The following EPHB4 variants were observed in gnomAD, a reference collection of about 807,000 sequenced individuals.
EPHB4 encodes ephrin type-B receptor 4.
In EPHB4, 50 loss-of-function variants were observed where a neutral mutation model predicts 110.6. The observed-to-expected ratio is 0.45, with a 90% CI of 0.36 to 0.57. The LOEUF (loss-of-function observed/expected upper bound fraction) is 0.57, where lower values mean the gene tolerates loss of function less well. EPHB4 is among the 20% of genes least tolerant of loss of function. The pLI is 0.00. For missense variants in EPHB4, 1,128 were observed against 1,382.1 expected (o/e 0.82, Z 2.91); for synonymous variants, 592 against 578.4 (o/e 1.02, Z -0.34).
chr7:100,812,767 C>T lies in EPHB4; in HGVS notation c.2098G>A (p.Ala700Thr), dbSNP rs1316018340. The change falls in exon 12 of 17, where the codon GCC becomes ACC. Residue 700 changes from alanine (A) to threonine (T), a missense_variant. Physicochemically the swap from Ala to Thr is moderately conservative, Grantham distance 58 (BLOSUM62 0). Coordinates refer to ENST00000358173, the MANE Select transcript of EPHB4 (RefSeq NM_004444.5). ...CTCACCCGCAGGAAGGAGTCCAGGG[C>T]GCCGTTCTCCATGAACTCTGTGAGA... ...MILTEFMENG[A>T]LDSFLRLNDG... is the part of the protein sequence containing the mutation. 1.2e-6 allele frequency: 2 copies of T among 1,613,570 alleles called. No homozygotes were observed. Among genetic ancestry groups the T allele is most frequent in the African/African-American group, 2.7e-5 (2 of 74,930 alleles).
At position 100,827,137 on chromosome 7, in the gene EPHB4, C is replaced by A. The variant is rs1315820067; in HGVS notation, c.-107G>T. ...GACGCCGATACTCCGCGCGGGACTCCTCGTCGGGGCCCTCAGCGCGGGCCC... is the reference window on the plus strand; with the variant it reads ...GACGCCGATACTCCGCGCGGGACTCATCGTCGGGGCCCTCAGCGCGGGCCC... On this transcript the variant is annotated 5_prime_UTR_variant, in exon 1 of 17. It adds an upstream start codon to the 5' untranslated region. Coordinates refer to ENST00000358173, the MANE Select transcript of EPHB4 (RefSeq NM_004444.5). 1.7e-5 allele frequency: 21 copies of A among 1,259,128 alleles called. No individual in the cohort carries two copies. Among genetic ancestry groups the A allele is most frequent in the African/African-American group, 3.1e-5 (2 of 64,920 alleles). The allele number at this position is 1,259,128 out of a possible 1,614,324, so 78.0% of individuals were successfully genotyped here. A position where few individuals can be genotyped will look rare whatever the true frequency, so the allele number is the denominator to read the frequency against.
In EPHB4 at chr7:100,808,359, T is replaced by C. The variant is rs139339213; in HGVS notation, c.2119-779A>G. 2.2e-4 allele frequency among the ~76,000 whole-genome samples: 33 copies of C among 152,148 alleles called. 2 individuals are homozygous for C. The East Asian group carries it at 6.2e-3, about 28-fold the overall frequency. On this transcript the variant is annotated intron_variant, in intron 12 of 16. Coordinates refer to ENST00000358173, the MANE Select transcript of EPHB4 (RefSeq NM_004444.5). Reference sequence around the variant, plus strand: ...TCAGCCTCCTTAGTAGCTGGGACTATAGGTGCACACCACTGCACCTGGCTA... The same window carrying C: ...TCAGCCTCCTTAGTAGCTGGGACTACAGGTGCACACCACTGCACCTGGCTA...
At position 100,818,710 on chromosome 7, in the gene EPHB4, T is replaced by A. The variant is rs314364; in HGVS notation, c.1298-66A>T. 0.47 allele frequency: 679,899 copies of A among 1,456,440 alleles called. 166,423 individuals are homozygous for A. The highest frequency in any genetic ancestry group is 0.59 in the Middle Eastern group (3,273 of 5,560). 90.2% of individuals were successfully genotyped at this position (1,456,440 alleles called of 1,614,324 possible). ...GCTCTGTCCCTTAACTTAAAAAAAA[T>A]TTTTTTTTTCGAGACGGAGTCGTGC... On this transcript the variant is annotated intron_variant, in intron 6 of 16. Transcript: ENST00000358173.
Position 100,813,287 on chromosome 7 carries a change from C to A in EPHB4, c.1757-79G>T, listed in dbSNP as rs1006817505. 16 of 1,101,946 alleles carry A rather than the reference C, an allele frequency of 1.5e-5. No individual in the cohort carries two copies. In the East Asian group the frequency reaches 4.0e-4, roughly 28 times the overall value. 68.3% of individuals were successfully genotyped at this position (1,101,946 alleles called of 1,614,324 possible). A position where few individuals can be genotyped will look rare whatever the true frequency, so the allele number is the denominator to read the frequency against. ...GAGGCTCGGCTCATAGCTTTTAGCC[C>A]CAAACCCCTGTCTCCGTGGTTTTTT... On this transcript the variant is annotated intron_variant, in intron 10 of 16. Coordinates refer to ENST00000358173, the MANE Select transcript of EPHB4 (RefSeq NM_004444.5).
chr7:100,823,511 C>A lies in EPHB4; in HGVS notation c.411+133G>T, dbSNP rs372813160. The A allele has an allele frequency of 5.0e-5, 61 of 1,226,552 alleles. 1 individual carries two copies. Among genetic ancestry groups the A allele is most frequent in the East Asian group, 4.5e-4 (18 of 39,650 alleles). 76.0% of individuals were successfully genotyped at this position (1,226,552 alleles called of 1,614,324 possible). On this transcript the variant is annotated intron_variant, in intron 3 of 16. Coordinates refer to ENST00000358173, the MANE Select transcript of EPHB4 (RefSeq NM_004444.5). ...AGATCACCCCCTTCCCTCCCCAGAC[C>A]TAAGCCTCCTGCTTCCAGCCCCCAG...
chr7:100,818,573 G>T lies in EPHB4; in HGVS notation c.1369C>A (p.Pro457Thr). Residue 457 changes from proline (P) to threonine (T), a missense_variant, in exon 7 of 17, where the codon CCC becomes ACC. Pro to Thr is a conservative substitution (Grantham distance 38, BLOSUM62 -1). Transcript: ENST00000358173. The stretch of plus-strand genomic sequence containing the variant: ...AGCACAGCCCCACTGGGTGCCCGGG[G>T]AACAGCCCAGGCCAGGCTCAAGCTG... Reference protein sequence around the residue: ...PSSLSLAWAVPRAPSGAVLDY... With the variant: ...PSSLSLAWAVTRAPSGAVLDY... The T allele has an allele frequency of 6.2e-7, 1 of 1,613,894 alleles. No homozygotes were observed. The highest frequency in any genetic ancestry group is 8.5e-7 in the Non-Finnish European group (1 of 1,180,016).
At chr7:100,824,469 C>T (rs1813321340) in intron 1 of EPHB4, 196 bp from the exon 2 acceptor site, 4 of 595,618 alleles carry the variant, frequency 6.7e-6, no homozygotes, top group Non-Finnish European at 1.2e-5. Flanking sequence ...ACCCCACCCC[C>T]AACATCTGGT....
rs1257483641 is a variant in EPHB4, at chr7:100,807,544, C to T, written c.2155G>A (p.Gly719Ser). The change falls in exon 13 of 17, where the codon GGC (glycine) becomes AGC (serine). Residue 719 changes from glycine (G) to serine (S), a missense_variant. Physicochemically the swap from Gly to Ser is moderately conservative, Grantham distance 56. This residue lies in a region of EPHB4 where 191 missense variants were observed against 313.0 expected (regional missense o/e 0.61). Transcript: ENST00000358173. ...CCCGAGGCGATGCCCCGCAGCATGCCCACGAGCTGGATGACTGTGAACTGT... is the reference window on the plus strand; with the variant it reads ...CCCGAGGCGATGCCCCGCAGCATGCTCACGAGCTGGATGACTGTGAACTGT... ...DGQFTVIQLV[G>S]MLRGIASGMR... The T allele has an allele frequency of 6.2e-7, 1 of 1,613,952 alleles. No homozygotes were observed. The highest frequency in any genetic ancestry group is 8.5e-7 in the Non-Finnish European group (1 of 1,180,008).
At chr7:100,806,761 C>T (rs1351503794) in intron 13 of EPHB4, among the ~76,000 whole-genome samples, 192 bp from the exon 14 acceptor site, 1 of 152,172 alleles carries the variant, frequency 6.6e-6, no homozygotes, top group Non-Finnish European at 1.5e-5. Context: ...AACTCCGCCT[C>T]CCGGGTTCAA....
rs760369016 is a variant in EPHB4 at position 100,819,873 on chromosome 7, C to T, written c.981G>A (p.Pro327=). 3.4e-5 allele frequency: 52 copies of T among 1,546,324 alleles called. 1 individual carries two copies. Among genetic ancestry groups the T allele is most frequent in the Middle Eastern group, 1.8e-4 (1 of 5,646 alleles). The change falls in exon 6 of 17, where the codon CCG becomes CCA. Residue 327 remains proline (P), a synonymous_variant. Coordinates refer to ENST00000358173, the MANE Select transcript of EPHB4 (RefSeq NM_004444.5). The stretch of plus-strand genomic sequence containing the variant: ...CGTTCAGGCGGGAAACCACGCTCCG[C>T]GGAGCCGAAGGAGGGGCTGCAGGAG... ...GAPCTTPPSA[P]RSVVSRLNGS... is the part of the protein sequence containing the mutation.
At chr7:100,816,461 G>A (rs1813069849) in intron 8 of EPHB4, among the ~76,000 whole-genome samples, 1 of 151,698 alleles carries the variant, frequency 6.6e-6, no homozygotes, top group Non-Finnish European at 1.5e-5. Flanking sequence ...AGCCTCCCGA[G>A]TAGCTGGGAT....
chr7:100,814,302 G>A (rs538530073), intron 8 of EPHB4, among the ~76,000 whole-genome samples: 9 of 152,126 alleles, frequency 5.9e-5, no homozygotes, highest in Non-Finnish European at 1.2e-4. Flanking sequence ...TTTTTGAGAC[G>A]CAGTCTCACT....
At position 100,819,716 on chromosome 7, in the gene EPHB4, C is replaced by A. The variant is rs1349527736; in HGVS notation, c.1138G>T (p.Asp380Tyr). ...CAPCGGDLTF[D>Y]PGPRDLVEPW... ...TCCACCAGGTCCCGGGGGCCGGGGT[C>A]AAAAGTCAGGTCTCCCCCGCAGGGC... Residue 380 changes from aspartate to tyrosine, a missense_variant, in exon 6 of 17, where the codon GAC becomes TAC. Asp to Tyr is a radical substitution (Grantham distance 160). Coordinates refer to ENST00000358173, the MANE Select transcript of EPHB4 (RefSeq NM_004444.5). 2 of 1,613,028 alleles carry A rather than the reference C, an allele frequency of 1.2e-6. No homozygotes were observed. The highest frequency in any genetic ancestry group is 1.7e-6 in the Non-Finnish European group (2 of 1,179,722).
Position 100,818,398 on chromosome 7 carries a change from G to A in EPHB4, c.1422+122C>T, listed in dbSNP as rs972073254. The A allele has an allele frequency of 1.2e-5, 18 of 1,470,232 alleles. No homozygotes were observed. The African/African-American group carries it at 2.2e-4, about 18-fold the overall frequency. The allele number at this position is 1,470,232 out of a possible 1,614,324, so 91.1% of individuals were successfully genotyped here. A position where few individuals can be genotyped will look rare whatever the true frequency, so the allele number is the denominator to read the frequency against. ...CAGGCCAAGGGGCTTACCCAAGGCT[G>A]CCCAGGGAATCCATGGCAGAGCTGG... is the stretch of plus-strand genomic sequence containing the variant. On this transcript the variant is annotated intron_variant, in intron 7 of 16. Transcript: ENST00000358173.
rs568049339 is a variant in EPHB4, at chr7:100,824,795, T to C, written c.53-522A>G. On this transcript the variant is annotated intron_variant, in intron 1 of 16. Coordinates refer to ENST00000358173, the MANE Select transcript of EPHB4 (RefSeq NM_004444.5). Reference sequence around the variant, plus strand: ...AAGGGAGCGCTCCGTGCCTGGGGCATAGCCCTGGCCCCCATCCCAGTACCT... The same window carrying C: ...AAGGGAGCGCTCCGTGCCTGGGGCACAGCCCTGGCCCCCATCCCAGTACCT... 9.5e-5 allele frequency: 15 copies of C among 158,618 alleles called. 2 individuals are homozygous for C. The highest frequency in any genetic ancestry group is 7.9e-4 in the Admixed American group (13 of 16,528). The allele number at this position is 158,618 out of a possible 1,614,324, so 9.8% of individuals were successfully genotyped here.
chr7:100,827,010 G>GAGC lies in EPHB4; in HGVS notation c.18_20dup (p.Leu7dup), dbSNP rs755901683. 35 of 1,581,486 alleles carry GAGC rather than the reference G, an allele frequency of 2.2e-5. No individual in the cohort carries two copies. The African/African-American group carries it at 4.5e-4, about 20-fold the overall frequency. The stretch of plus-strand genomic sequence containing the variant: ...AAGCTGCGGCCAACGAAGCCCAGCA[G>GAGC]AGCAGCACCCGGAGCTCCATGGCGC... On this transcript the variant is annotated inframe_insertion, in exon 1 of 17. Transcript: ENST00000358173.
In EPHB4 at chr7:100,822,684, G is replaced by A; in HGVS notation, c.412-17C>T. The A allele has an allele frequency of 6.5e-7, 1 of 1,531,944 alleles. No homozygotes were observed. The highest frequency in any genetic ancestry group is 8.8e-7 in the Non-Finnish European group (1 of 1,135,354). The allele number at this position is 1,531,944 out of a possible 1,614,324, so 94.9% of individuals were successfully genotyped here. On this transcript the variant is annotated splice_polypyrimidine_tract_variant and intron_variant, in intron 3 of 16. Transcript: ENST00000358173. This position sits in a 1 kb window ranked among gnomAD's most constrained non-coding sequence, Gnocchi z 4.7. ...CGTGTCCACCTGCCGGCGGGGGGGAGGCACACCGCTGCTGTCCCCACTCCC... is the reference window on the plus strand; with the variant it reads ...CGTGTCCACCTGCCGGCGGGGGGGAAGCACACCGCTGCTGTCCCCACTCCC...
intron 8 of EPHB4, among the ~76,000 whole-genome samples, chr7:100,815,872 C>T (rs1427056058): frequency 6.6e-6 from 1 of 152,114 alleles, no homozygotes; most frequent in East Asian, 1.9e-4. Flanking sequence ...CCTATAGCCC[C>T]AGCTACTTGG....
At position 100,817,315 on chromosome 7, in the gene EPHB4, C is replaced by A; in HGVS notation, c.1465G>T (p.Glu489Ter). The A allele has an allele frequency of 6.3e-7, 1 of 1,589,972 alleles. No individual in the cohort carries two copies. The highest frequency in any genetic ancestry group is 8.6e-7 in the Non-Finnish European group (1 of 1,169,144). ...PSSVRFLKTS[E>*]NRAELRGLKR... ...AGCCCCCGCAGCTCTGCCCGGTTTT[C>A]TGACGTCTTCAGGAACCGCACGCTG... is the stretch of plus-strand genomic sequence containing the variant. The change falls in exon 8 of 17, where the codon GAA becomes TAA. Residue 489 changes from glutamate to a stop codon, truncating the protein, a stop_gained. Coordinates refer to ENST00000358173, the MANE Select transcript of EPHB4 (RefSeq NM_004444.5). LOFTEE classifies it high-confidence loss of function.
Sources: allele counts gnomAD v4.1 joint callset (sites outside exome capture counted in the v4.1 genomes callset), GRCh38; gene constraint gnomAD v4.1.1; regional missense constraint gnomAD v4.1.1; non-coding constraint Gnocchi (gnomAD v3.1); transcripts MANE v1.5; gene names NCBI Gene and HGNC (gene_info 2026-07-23, HGNC 2026-07-21).